The following RNF180 variants were observed in gnomAD, a reference collection of about 807,000 sequenced individuals.
RNF180 encodes the protein E3 ubiquitin-protein ligase RNF180.
A neutral mutation model predicts 59.2 loss-of-function variants in RNF180; 38 were observed. That is an observed-to-expected ratio of 0.64 (90% confidence interval 0.50 to 0.84). The LOEUF (loss-of-function observed/expected upper bound fraction) is 0.84, where lower values mean the gene tolerates loss of function less well. RNF180 is among the 40% of genes least tolerant of loss of function. RNF180 has a pLI of 0.00. For synonymous variants in RNF180, 262 were observed against 240.3 expected (o/e 1.09, Z -0.84); for missense variants, 705 against 700.9 (o/e 1.01, Z -0.07).
chr5:64,267,185 A>G (rs1404983002), intron 5 of RNF180, among the ~76,000 whole-genome samples: 1 of 152,010 alleles, frequency 6.6e-6, no homozygotes, highest in African/African-American at 2.4e-5. Context: ...CGCCCAGACC[A>G]TGGTTTCTTA....
chr5:64,340,960 C>G (rs1745333658), intron 7 of RNF180, among the ~76,000 whole-genome samples: 1 of 152,116 alleles, frequency 6.6e-6, no homozygotes, highest in East Asian at 1.9e-4. Context: ...TTTACCTACT[C>G]TTTCCCTCTG....
chr5:64,228,382 T>C lies in RNF180; in HGVS notation c.1227+10986T>C, dbSNP rs898441606. Among the ~76,000 whole-genome samples, 35 of 152,096 alleles carry C rather than the reference T, an allele frequency of 2.3e-4. 1 individual carries two copies. On this transcript the variant is annotated intron_variant, in intron 5 of 7. Transcript: ENST00000389100. The stretch of plus-strand genomic sequence containing the variant: ...ATGTATACTTAGCTGGGCATGGTTA[T>C]GCAAGCCTATAGTCCCAGCTACTGG...
intron 1 of RNF180, among the ~76,000 whole-genome samples, chr5:64,189,976 A>G (rs1429151649): frequency 2.0e-5 from 3 of 152,204 alleles, no homozygotes; most frequent in Non-Finnish European, 4.4e-5. Context: ...TGATACAGAG[A>G]TGCCTCCACA....
chr5:64,301,636 C>G (rs1477411106), intron 5 of RNF180, among the ~76,000 whole-genome samples: 1 of 151,426 alleles, frequency 6.6e-6, no homozygotes, highest in Non-Finnish European at 1.5e-5. Context: ...ATAACCAAAT[C>G]AGTTGGAAAT....
intron 7 of RNF180, among the ~76,000 whole-genome samples, chr5:64,335,235 G>C (rs1026174677): frequency 2.0e-5 from 3 of 152,022 alleles, no homozygotes; most frequent in Non-Finnish European, 4.4e-5. Context: ...ATATTTTCTA[G>C]TGACTTTTTT....
chr5:64,213,442 C>T, intron 3 of RNF180, 116 bp from the exon 4 acceptor site: 1 of 857,268 alleles, frequency 1.2e-6, no homozygotes, highest in Non-Finnish European at 1.8e-6. Context: ...AAACAGAAAG[C>T]TAGCCTTTTC....
intron 6 of RNF180, among the ~76,000 whole-genome samples, chr5:64,328,445 G>A (rs1744753029): frequency 6.6e-6 from 1 of 152,164 alleles, no homozygotes; most frequent in South Asian, 2.1e-4. Context: ...AAACAGCTAT[G>A]CATTGCTGCA....
chr5:64,194,779 T>A (rs544788670), intron 1 of RNF180, among the ~76,000 whole-genome samples: 1 of 152,374 alleles, frequency 6.6e-6, no homozygotes, highest in South Asian at 2.1e-4. Flanking sequence ...TTCATGTGTC[T>A]TTTGGCTGCA....
intron 5 of RNF180, among the ~76,000 whole-genome samples, chr5:64,231,797 G>C (rs1379417545): frequency 6.6e-6 from 1 of 152,168 alleles, no homozygotes; most frequent in Admixed American, 6.5e-5. Context: ...GTTTATTATT[G>C]GGGTTAAGCT....
intron 5 of RNF180, among the ~76,000 whole-genome samples, chr5:64,297,079 C>T (rs1017914457): frequency 1.3e-4 from 19 of 151,868 alleles, no homozygotes; most frequent in Admixed American, 3.3e-4. Flanking sequence ...GAATTCCAGT[C>T]GATAACTACT....
At chr5:64,247,139 A>G (rs1051081316) in intron 5 of RNF180, among the ~76,000 whole-genome samples, 2 of 152,188 alleles carry the variant, frequency 1.3e-5, no homozygotes, top group African/African-American at 2.4e-5. Context: ...ATTTATGACA[A>G]ACCCACAGCC....
At chr5:64,315,496 G>A (rs930220072) in intron 5 of RNF180, among the ~76,000 whole-genome samples, 21 of 152,254 alleles carry the variant, frequency 1.4e-4, no homozygotes, top group South Asian at 8.3e-4. Flanking sequence ...TGTAATCTCA[G>A]CACTTTGAGA....
chr5:64,204,819 ATT>A (rs1343101667), intron 2 of RNF180, among the ~76,000 whole-genome samples: 1 of 152,144 alleles, frequency 6.6e-6, no homozygotes, highest in South Asian at 2.1e-4. Flanking sequence ...CAGGTTTCTC[ATT>A]TACCCTCATA....
chr5:64,352,629 A>T (rs914454608), intron 7 of RNF180, among the ~76,000 whole-genome samples: 1 of 152,096 alleles, frequency 6.6e-6, no homozygotes, highest in Non-Finnish European at 1.5e-5. Flanking sequence ...TTCAAAGAAC[A>T]TCTTTATTTC....
At chr5:64,189,189 A>G (rs941988090) in intron 1 of RNF180, among the ~76,000 whole-genome samples, 11 of 151,976 alleles carry the variant, frequency 7.2e-5, no homozygotes, top group Non-Finnish European at 5.9e-5. Context: ...CACCCAGTCT[A>G]TGGTATTGTG....
At chr5:64,301,059 T>C (rs529454972) in intron 5 of RNF180, among the ~76,000 whole-genome samples, 21 of 149,932 alleles carry the variant, frequency 1.4e-4, no homozygotes, top group Admixed American at 6.7e-4. Flanking sequence ...TTTGTCTCTT[T>C]CTTACAAAAC....
At chr5:64,317,532 ATATATG>A (rs1744103338) in intron 5 of RNF180, among the ~76,000 whole-genome samples, 1 of 149,092 alleles carries the variant, frequency 6.7e-6, no homozygotes, top group African/African-American at 2.5e-5. Context: ...TGAGGTGTAT[ATATATG>A]TATATTTATA....
Position 64,214,274 on chromosome 5 carries a change from T to G in RNF180, c.948T>G (p.Ala316=). Residue 316 remains alanine (A), a synonymous_variant, in exon 4 of 8, where the codon GCT becomes GCG. Coordinates refer to ENST00000389100, the MANE Select transcript of RNF180 (RefSeq NM_001113561.2). ...GAGAATTTCAGTGTGGTCTAGAAGC[T>G]GCTTCAGTGTATTCTGACCATACTA... ...RGGEFQCGLE[A]ASVYSDHTNT... The G allele has an allele frequency of 6.2e-7, 1 of 1,614,084 alleles. No individual in the cohort carries two copies. Among genetic ancestry groups the G allele is most frequent in the Non-Finnish European group, 8.5e-7 (1 of 1,180,006 alleles).
intron 5 of RNF180, among the ~76,000 whole-genome samples, chr5:64,236,546 A>T (rs930080443): frequency 6.6e-6 from 1 of 152,224 alleles, no homozygotes; most frequent in Admixed American, 6.5e-5. Context: ...CCATTTTCTG[A>T]GGAGGAATGC....
Sources: gnomAD v4.1 joint callset for allele counts (sites outside exome capture counted in the v4.1 genomes callset) on GRCh38, gnomAD v4.1.1 for gene constraint, MANE v1.5 for transcripts, NCBI Gene and HGNC (gene_info 2026-07-23, HGNC 2026-07-21) for gene names.